The following MYBPC2 variants were observed in gnomAD, a reference collection of about 807,000 sequenced individuals.
MYBPC2 encodes myosin-binding protein C, fast-type.
Under a neutral mutation model 137.0 loss-of-function variants are expected in MYBPC2, and 122 were observed. The ratio of observed to expected loss-of-function variants is 0.89; its 90% CI spans 0.77 to 1.03. The LOEUF is 1.03. Ranked by LOEUF, MYBPC2 falls within the 50% of genes least tolerant of loss-of-function variation. The probability of loss-of-function intolerance (pLI) is 0.00; values close to 1 mark genes in which losing one functional copy is unlikely to be tolerated. For synonymous variants in MYBPC2, 626 were observed against 612.3 expected, an observed-to-expected ratio of 1.02 and a Z score of -0.33; for missense variants, 1,500 against 1,534.4, an observed-to-expected ratio of 0.98 and a Z score of 0.37.
intron 24 of MYBPC2, 126 bp from the exon 25 acceptor site, chr19:50,461,416 G>A (rs1025201835): frequency 4.2e-5 from 43 of 1,016,818 alleles, no homozygotes; most frequent in Non-Finnish European, 5.8e-5. Flanking sequence ...TGAGTAGTGC[G>A]CCATGAGTGA....
intron 1 of MYBPC2, among the ~76,000 whole-genome samples, chr19:50,433,948 G>A (rs1210208331): frequency 2.6e-5 from 4 of 152,148 alleles, no homozygotes; most frequent in African/African-American, 9.7e-5. Context: ...GGTGGTGCAT[G>A]CCTGTAGTCC....
chr19:50,461,721 C>CA lies in MYBPC2; in HGVS notation c.3091+21dup. The CA allele has an allele frequency of 6.2e-7, 1 of 1,612,794 alleles. No individual in the cohort carries two copies. Among genetic ancestry groups the CA allele is most frequent in the Non-Finnish European group, 8.5e-7 (1 of 1,179,596 alleles). On this transcript the variant is annotated intron_variant, in intron 25 of 27. Transcript: ENST00000357701. ...AGACAGGTACAGCCATCCTGCCCCACAGCCCAGGCCCACCCCGTCCACCCT... is the reference window on the plus strand; with the variant it reads ...AGACAGGTACAGCCATCCTGCCCCACAAGCCCAGGCCCACCCCGTCCACCCT...
In MYBPC2 at chr19:50,460,111, G is replaced by T; in HGVS notation, c.2863G>T (p.Ala955Ser). The change falls in exon 24 of 28, where the codon GCC becomes TCC. Residue 955 changes from alanine to serine, a missense_variant. Ala to Ser is a moderately conservative substitution (Grantham distance 99). Coordinates refer to ENST00000357701, the MANE Select transcript of MYBPC2 (RefSeq NM_004533.4). ...CACGAACGCGCTGGTGGAGTGGCAG[G>T]CCCCCAAAGATGATGGGAACAGTGA... ...WGTNALVEWQAPKDDGNSEIM... is the reference protein window; with the variant it reads ...WGTNALVEWQSPKDDGNSEIM... The T allele has an allele frequency of 6.4e-7, 1 of 1,574,570 alleles. No homozygotes were observed. Among genetic ancestry groups the T allele is most frequent in the South Asian group, 1.2e-5 (1 of 85,654 alleles).
At position 50,435,874 on chromosome 19, in the gene MYBPC2, C is replaced by A. The variant is rs1455611095; in HGVS notation, c.196+12C>A. The A allele has an allele frequency of 1.9e-6, 3 of 1,576,690 alleles. No individual in the cohort carries two copies. The highest frequency in any genetic ancestry group is 2.6e-6 in the Non-Finnish European group (3 of 1,159,772). Reference sequence around the variant, plus strand: ...CTCAGTGGAGACTGGTGAGGGGAACCCGGGGGAGGAGGGGCTGCGGCCCGG... The same window carrying A: ...CTCAGTGGAGACTGGTGAGGGGAACACGGGGGAGGAGGGGCTGCGGCCCGG... On this transcript the variant is annotated intron_variant, in intron 3 of 27. Coordinates refer to ENST00000357701, the MANE Select transcript of MYBPC2 (RefSeq NM_004533.4). The surrounding 1 kb of genome is among the most constrained non-coding windows in gnomAD (Gnocchi z 4.8).
rs371502854 is a variant in MYBPC2, at chr19:50,454,302, G to A, written c.1947G>A (p.Ser649=). Residue 649 remains serine, a synonymous_variant, in exon 18 of 28, where the codon TCG becomes TCA. Transcript: ENST00000357701. ...CCCCGGAGGCTGTGCGCATCACCTC[G>A]GTTGGAGAGGATTGGGCCATCCTTG... The part of the protein sequence containing the change: ...PDPPEAVRIT[S]VGEDWAILVW... 7 of 1,613,782 alleles carry A rather than the reference G, an allele frequency of 4.3e-6. No homozygotes were observed. In the African/African-American group the frequency reaches 5.3e-5, roughly 12 times the overall value.
At position 50,436,701 on chromosome 19, in the gene MYBPC2, T is replaced by C; in HGVS notation, c.430T>C (p.Cys144Arg). Residue 144 changes from cysteine to arginine, a missense_variant, in exon 5 of 28, where the codon TGT becomes CGT. Physicochemically the swap from Cys to Arg is radical, Grantham distance 180. Coordinates refer to ENST00000357701, the MANE Select transcript of MYBPC2 (RefSeq NM_004533.4). ...YRLEVKAKDT[C>R]DSCGFNIDVE... ...CCTCGAGGTCAAAGCCAAGGACACCTGTGACAGCTGTGGCTTCAACATCGA... is the reference window on the plus strand; with the variant it reads ...CCTCGAGGTCAAAGCCAAGGACACCCGTGACAGCTGTGGCTTCAACATCGA... The C allele has an allele frequency of 1.2e-6, 2 of 1,613,864 alleles. No homozygotes were observed. The highest frequency in any genetic ancestry group is 1.7e-6 in the Non-Finnish European group (2 of 1,179,812).
chr19:50,459,986 A>C (rs543620165), intron 23 of MYBPC2, 54 bp from the exon 24 acceptor site: 1 of 1,546,752 alleles, frequency 6.5e-7, no homozygotes, highest in African/African-American at 1.4e-5. Context: ...AGGGGAGGGA[A>C]GCGGCTGGAC....
chr19:50,461,192 C>A (rs557065720), intron 24 of MYBPC2, among the ~76,000 whole-genome samples: 1 of 151,224 alleles, frequency 6.6e-6, no homozygotes, highest in South Asian at 2.1e-4. Flanking sequence ...TTTTAACAGA[C>A]AAGGGTCTCG....
intron 15 of MYBPC2, 28 bp from the exon 16 acceptor site, chr19:50,451,836 G>C: frequency 6.3e-7 from 1 of 1,579,972 alleles, no homozygotes. Context: ...CCACTCCCAG[G>C]GTCCCTGTAT....
intron 20 of MYBPC2, among the ~76,000 whole-genome samples, chr19:50,456,745 T>A (rs1252331366): frequency 6.6e-6 from 1 of 152,058 alleles, no homozygotes; most frequent in Non-Finnish European, 1.5e-5. Flanking sequence ...CCAGTATCAT[T>A]TTTTCATCCA....
Position 50,452,011 on chromosome 19 carries a change from G to A in MYBPC2, c.1749+8G>A, listed in dbSNP as rs1374178846. On this transcript the variant is annotated splice_region_variant and intron_variant, in intron 16 of 27. Transcript: ENST00000357701. ...TGGCTGAAGGGAGATGAGGTGGGTT[G>A]GGGCCGCCCCTCTGTCCTCACTCCC... 6.4e-7 allele frequency: 1 copy of A among 1,551,916 alleles called. No homozygotes were observed. The highest frequency in any genetic ancestry group is 8.7e-7 in the Non-Finnish European group (1 of 1,146,974).
chr19:50,464,414 C>T lies in MYBPC2; in HGVS notation c.3297C>T (p.Tyr1099=). 1 of 1,611,500 alleles carries T rather than the reference C, an allele frequency of 6.2e-7. No individual in the cohort carries two copies. Among genetic ancestry groups the T allele is most frequent in the Non-Finnish European group, 8.5e-7 (1 of 1,179,032 alleles). ...ATCCCAAGTTCCTGATAACCAATTA[C>T]CAAGGAGTCCTGACGCTGAACATCC... The part of the protein sequence containing the change: ...REDPKFLITN[Y]QGVLTLNIRR... The change falls in exon 27 of 28, where the codon TAC becomes TAT. Residue 1099 remains tyrosine, a synonymous_variant. Coordinates refer to ENST00000357701, the MANE Select transcript of MYBPC2 (RefSeq NM_004533.4).
Position 50,443,416 on chromosome 19 carries a change from T to C in MYBPC2, c.903-78T>C, listed in dbSNP as rs184672315. 410 of 1,536,250 alleles carry C rather than the reference T, an allele frequency of 2.7e-4. 1 individual carries two copies. In the African/African-American group the frequency reaches 4.4e-3, roughly 16 times the overall value. On this transcript the variant is annotated intron_variant, in intron 9 of 27. Coordinates refer to ENST00000357701, the MANE Select transcript of MYBPC2 (RefSeq NM_004533.4). Reference sequence around the variant, plus strand: ...GAGAGAGAGAGAGAGAGACTTGCCTTGAGAACAGGTAAGCAGAGCTACCCC... The same window carrying C: ...GAGAGAGAGAGAGAGAGACTTGCCTCGAGAACAGGTAAGCAGAGCTACCCC...
In MYBPC2 at chr19:50,455,585, C is replaced by T. The variant is rs771115908; in HGVS notation, c.2279C>T (p.Pro760Leu). Reference protein sequence around the residue: ...DTTTTLKWRPPNRIGAGGIDG... With the variant: ...DTTTTLKWRPLNRIGAGGIDG... ...ACCACCACACTCAAGTGGAGGCCTC[C>T]GAACAGGATCGGGGCAGGTGGCATC... The change falls in exon 20 of 28, where the codon CCG (proline) becomes CTG (leucine). Residue 760 changes from proline (P) to leucine (L), a missense_variant. Transcript: ENST00000357701. The T allele has an allele frequency of 2.5e-6, 4 of 1,613,992 alleles. No homozygotes were observed. Among genetic ancestry groups the T allele is most frequent in the East Asian group, 2.2e-5 (1 of 44,884 alleles).
At chr19:50,461,162 C>G (rs1714309771) in intron 24 of MYBPC2, among the ~76,000 whole-genome samples, 1 of 151,930 alleles carries the variant, frequency 6.6e-6, no homozygotes, top group African/African-American at 2.4e-5. Flanking sequence ...GGCCACCAGA[C>G]CTGGCTAATT....
Position 50,452,438 on chromosome 19 carries a change from ATCTATCTG to A in MYBPC2, c.1749+443_1749+450del, listed in dbSNP as rs910521857. On this transcript the variant is annotated intron_variant, in intron 16 of 27. Coordinates refer to ENST00000357701, the MANE Select transcript of MYBPC2 (RefSeq NM_004533.4). ...TCTATCTATATAATCTATCTAATCT[ATCTATCTG>A]TCTATCTATCTATGTATCTGTGTAT... Among the ~76,000 whole-genome samples, 661 of 143,636 alleles carry A rather than the reference ATCTATCTG, an allele frequency of 4.6e-3. 7 individuals carry two copies. Among genetic ancestry groups the A allele is most frequent in the African/African-American group, 0.018 (628 of 34,546 alleles). The allele number at this position is 143,636 out of a possible 152,430, so 94.2% of individuals were successfully genotyped here.
chr19:50,455,238 C>T lies in MYBPC2; in HGVS notation c.2145C>T (p.Ala715=), dbSNP rs776569300. The change falls in exon 19 of 28, where the codon GCC becomes GCT. Residue 715 remains alanine, a synonymous_variant. Transcript: ENST00000357701. ...EGILYEMRVF[A]VNAIGVSQPS... is the part of the protein sequence containing the mutation. ...TCCTCTATGAGATGCGTGTCTTCGC[C>T]GTCAATGCTATAGGGGTCTCCCAGC... The T allele has an allele frequency of 8.7e-6, 14 of 1,613,712 alleles. No homozygotes were observed. Among genetic ancestry groups the T allele is most frequent in the African/African-American group, 5.3e-5 (4 of 74,862 alleles).
chr19:50,433,553 T>C (rs993013094), intron 1 of MYBPC2, among the ~76,000 whole-genome samples: 3 of 152,128 alleles, frequency 2.0e-5, no homozygotes, highest in Non-Finnish European at 4.4e-5. Flanking sequence ...TGCGCCACCA[T>C]GCCTGGCTAT....
At chr19:50,450,463 C>T (rs1355901477) in intron 13 of MYBPC2, among the ~76,000 whole-genome samples, 1 of 152,074 alleles carries the variant, frequency 6.6e-6, no homozygotes, top group East Asian at 1.9e-4. Flanking sequence ...GAGACAGGGT[C>T]TTGCCGTGTT....
Sources: allele counts gnomAD v4.1 joint callset (sites outside exome capture counted in the v4.1 genomes callset), GRCh38; gene constraint gnomAD v4.1.1; non-coding constraint Gnocchi (gnomAD v3.1); transcripts MANE v1.5; gene names NCBI Gene and HGNC (gene_info 2026-07-23, HGNC 2026-07-21).